Variants in ZNF135 observed in about 807,000 individuals in gnomAD.
The protein encoded by ZNF135 is zinc finger protein 135.
In ZNF135, 11 loss-of-function variants were observed where a neutral mutation model predicts 12.3. The observed-to-expected ratio is 0.89, with a 90% CI of 0.56 to 1.48. ZNF135 has a LOEUF of 1.48. Among genes scored for constraint, ZNF135 ranks in the 40% most tolerant of loss-of-function variants. ZNF135 has a pLI of 0.00. For missense variants in ZNF135, 722 were observed against 815.7 expected, an observed-to-expected ratio of 0.89 and a Z score of 1.40; for synonymous variants, 316 against 312.0, an observed-to-expected ratio of 1.01 and a Z score of -0.14.
In ZNF135 at chr19:58,060,210, G is replaced by A. The variant is rs897641923; in HGVS notation, c.33+175G>A. The A allele has an allele frequency of 1.6e-5, 23 of 1,460,408 alleles. No homozygotes were observed. Among genetic ancestry groups the A allele is most frequent in the African/African-American group, 7.0e-5 (5 of 71,202 alleles). The allele number at this position is 1,460,408 out of a possible 1,614,324, so 90.5% of individuals were successfully genotyped here. On this transcript the variant is annotated intron_variant, in intron 2 of 4. Transcript: ENST00000313434. This position sits in a 1 kb window ranked among gnomAD's most constrained non-coding sequence, Gnocchi z 4.9. Reference sequence around the variant, plus strand: ...CCCTACTCGTGCCCGGCCTCTACTCGCACAACTGGCCTCTACTCGCGCACC... The same window carrying A: ...CCCTACTCGTGCCCGGCCTCTACTCACACAACTGGCCTCTACTCGCGCACC...
At position 58,059,726 on chromosome 19, in the gene ZNF135, G is replaced by A; in HGVS notation, c.-34-243G>A. On this transcript the variant is annotated intron_variant, in intron 1 of 4. Transcript: ENST00000313434. The surrounding 1 kb of genome is among the most constrained non-coding windows in gnomAD (Gnocchi z 6.5). ...TGTCACTGTAGCGTTAAGGCTCAGA[G>A]TCTGCGCAGCAGATATGTGTCCGCA... is the stretch of plus-strand genomic sequence containing the variant. 1 of 574,528 alleles carries A rather than the reference G, an allele frequency of 1.7e-6. No individual in the cohort carries two copies. The highest frequency in any genetic ancestry group is 2.3e-5 in the South Asian group (1 of 43,860). The allele number at this position is 574,528 out of a possible 1,614,324, so 35.6% of individuals were successfully genotyped here.
Position 58,061,601 on chromosome 19 carries a change from G to T in ZNF135, c.55G>T (p.Val19Leu), listed in dbSNP as rs751598990. Reference protein sequence around the residue: ...TDPEQVTFEDVVVGFSQEEWG... With the variant: ...TDPEQVTFEDLVVGFSQEEWG... ...TCAGGAGCAAGTGACGTTTGAGGAC[G>T]TGGTAGTGGGCTTCAGCCAGGAGGA... is the stretch of plus-strand genomic sequence containing the variant. Residue 19 changes from valine to leucine, a missense_variant, in exon 3 of 5, where the codon GTG (valine) becomes TTG (leucine). Transcript: ENST00000313434. 1 of 1,613,314 alleles carries T rather than the reference G, an allele frequency of 6.2e-7. No individual in the cohort carries two copies. The highest frequency in any genetic ancestry group is 1.3e-5 in the African/African-American group (1 of 74,864).
At chr19:58,062,465 C>T (rs1289990069) in intron 3 of ZNF135, among the ~76,000 whole-genome samples, 3 of 152,124 alleles carry the variant, frequency 2.0e-5, no homozygotes, top group South Asian at 2.1e-4. Flanking sequence ...TCACTGCAAG[C>T]TCTGCCTCCC....
At chr19:58,064,422 A>G (rs1472800615) in intron 4 of ZNF135, among the ~76,000 whole-genome samples, 2 of 151,252 alleles carry the variant, frequency 1.3e-5, no homozygotes, top group Non-Finnish European at 2.9e-5. Flanking sequence ...CCCTCCTCCT[A>G]CTCCTCAGCC....
Position 58,067,881 on chromosome 19 carries a change from ATGAG to A in ZNF135, c.1400_1403del (p.Glu467AlafsTer201), listed in dbSNP as rs1568617474. ...CGGACACACACAGGAGAGAAGCCCT[ATGAG>A]TGCAGTCAGTGTGGGAAGGCCTTCC... On this transcript the variant is annotated frameshift_variant, in exon 5 of 5. Transcript: ENST00000313434. LOFTEE classifies it low-confidence loss of function (END_TRUNC). 1.9e-6 allele frequency: 3 copies of A among 1,613,164 alleles called. No individual in the cohort carries two copies. Among genetic ancestry groups the A allele is most frequent in the African/African-American group, 2.7e-5 (2 of 74,644 alleles).
Position 58,060,185 on chromosome 19 carries a change from C to T in ZNF135, c.33+150C>T. The T allele has an allele frequency of 6.6e-7, 1 of 1,506,042 alleles. No homozygotes were observed. The highest frequency in any genetic ancestry group is 8.8e-7 in the Non-Finnish European group (1 of 1,130,658). The allele number at this position is 1,506,042 out of a possible 1,614,324, so 93.3% of individuals were successfully genotyped here. On this transcript the variant is annotated intron_variant, in intron 2 of 4. Coordinates refer to ENST00000313434, the MANE Select transcript of ZNF135 (RefSeq NM_001289401.2). The surrounding 1 kb of genome is among the most constrained non-coding windows in gnomAD (Gnocchi z 4.9). ...CCCGGCCCCTACTTGCGTGCCCGGCCCCTACTCGTGCCCGGCCTCTACTCG... is the reference window on the plus strand; with the variant it reads ...CCCGGCCCCTACTTGCGTGCCCGGCTCCTACTCGTGCCCGGCCTCTACTCG...
In ZNF135 at chr19:58,063,420, C is replaced by T; in HGVS notation, c.161-26C>T. 1.2e-6 allele frequency: 2 copies of T among 1,613,524 alleles called. No individual in the cohort carries two copies. The highest frequency in any genetic ancestry group is 1.7e-6 in the Non-Finnish European group (2 of 1,179,696). On this transcript the variant is annotated intron_variant, in intron 3 of 4. Transcript: ENST00000313434. This position sits in a 1 kb window ranked among gnomAD's most constrained non-coding sequence, Gnocchi z 4.4. Reference sequence around the variant, plus strand: ...GGAAGGGTCCTGGGATACAAATGCTCACTCTATGGGTCTCTCCCTGAGCAG... The same window carrying T: ...GGAAGGGTCCTGGGATACAAATGCTTACTCTATGGGTCTCTCCCTGAGCAG...
chr19:58,061,132 GA>G (rs34300504), intron 2 of ZNF135, among the ~76,000 whole-genome samples: 4 of 148,262 alleles, frequency 2.7e-5, no homozygotes, highest in Admixed American at 2.0e-4. Flanking sequence ...CGTCTCGGGG[GA>G]AAAAAAAAAC....
Position 58,067,286 on chromosome 19 carries a change from A to G in ZNF135, c.802A>G (p.Lys268Glu). ...ACACCAGAGAATCCATACTGGGGAG[A>G]AACCCTATAAATGCACTCAGTGTGG... The part of the protein sequence containing the change: ...TKHQRIHTGE[K>E]PYKCTQCGRT... The change falls in exon 5 of 5, where the codon AAA becomes GAA. Residue 268 changes from lysine (K) to glutamate (E), a missense_variant. By Grantham distance (56) the Lys-to-Glu change is moderately conservative (BLOSUM62 1). Coordinates refer to ENST00000313434, the MANE Select transcript of ZNF135 (RefSeq NM_001289401.2). 6.2e-7 allele frequency: 1 copy of G among 1,614,192 alleles called. No homozygotes were observed. Among genetic ancestry groups the G allele is most frequent in the East Asian group, 2.2e-5 (1 of 44,882 alleles).
Position 58,067,961 on chromosome 19 carries a change from C to G in ZNF135, c.1477C>G (p.Pro493Ala). The change falls in exon 5 of 5, where the codon CCC (proline) becomes GCC (alanine). Residue 493 changes from proline to alanine, a missense_variant. Physicochemically the swap from Pro to Ala is conservative, Grantham distance 27. Coordinates refer to ENST00000313434, the MANE Select transcript of ZNF135 (RefSeq NM_001289401.2). ...QHQRIHTGEK[P>A]YECNDCGKAF... ...CCAGCGAATCCACACAGGGGAGAAG[C>G]CCTATGAATGCAATGACTGCGGCAA... 1 of 1,614,010 alleles carries G rather than the reference C, an allele frequency of 6.2e-7. No individual in the cohort carries two copies. The highest frequency in any genetic ancestry group is 8.5e-7 in the Non-Finnish European group (1 of 1,180,002).
rs2073927103 is a variant in ZNF135 at position 58,059,409 on chromosome 19, G to A, written c.-35+99G>A. 1 of 984,150 alleles carries A rather than the reference G, an allele frequency of 1.0e-6. No individual in the cohort carries two copies. The highest frequency in any genetic ancestry group is 1.4e-6 in the Non-Finnish European group (1 of 719,428). The allele number at this position is 984,150 out of a possible 1,614,324, so 61.0% of individuals were successfully genotyped here. Reference sequence around the variant, plus strand: ...GATCTTCCTGAGGCCCTGGCGGGGCGAGTTTCCAGCAGCGCGCGTCTGTGT... The same window carrying A: ...GATCTTCCTGAGGCCCTGGCGGGGCAAGTTTCCAGCAGCGCGCGTCTGTGT... On this transcript the variant is annotated intron_variant, in intron 1 of 4. Coordinates refer to ENST00000313434, the MANE Select transcript of ZNF135 (RefSeq NM_001289401.2). The surrounding 1 kb of genome is among the most constrained non-coding windows in gnomAD (Gnocchi z 6.5).
chr19:58,060,631 T>C lies in ZNF135; in HGVS notation c.33+596T>C, dbSNP rs2073960908. Among the ~76,000 whole-genome samples the C allele has an allele frequency of 6.6e-6, 1 of 152,214 alleles. No individual in the cohort carries two copies. The highest frequency in any genetic ancestry group is 3.4e-3 in the Middle Eastern group (1 of 294). ...TTTATGATGACATTAACCCCACCCATAAGCCACCAGAAGAAACCAGCCTCC... is the reference window on the plus strand; with the variant it reads ...TTTATGATGACATTAACCCCACCCACAAGCCACCAGAAGAAACCAGCCTCC... On this transcript the variant is annotated intron_variant, in intron 2 of 4. Transcript: ENST00000313434. The surrounding 1 kb of genome is among the most constrained non-coding windows in gnomAD (Gnocchi z 4.9).
rs2074110259 is a variant in ZNF135, at chr19:58,068,155, A to G, written c.1671A>G (p.Arg557=). The G allele has an allele frequency of 6.8e-6, 11 of 1,613,752 alleles. No homozygotes were observed. Among genetic ancestry groups the G allele is most frequent in the Non-Finnish European group, 8.5e-6 (10 of 1,179,982 alleles). ...CCTATGAATGTAACCAGTGTGGCAG[A>G]GCCTTCAGCCAGAGCTCCCTTCTCA... ...EKPYECNQCG[R]AFSQSSLLIE... The change falls in exon 5 of 5, where the codon AGA becomes AGG. Residue 557 remains arginine, a synonymous_variant. Coordinates refer to ENST00000313434, the MANE Select transcript of ZNF135 (RefSeq NM_001289401.2).
Position 58,063,376 on chromosome 19 carries a change from T to G in ZNF135, c.161-70T>G. ...CATCTGGGACCTGGAAGACCAAAGG[T>G]GGAATGGGCTGAGGCTCAGGAAGGG... On this transcript the variant is annotated intron_variant, in intron 3 of 4. Transcript: ENST00000313434. The surrounding 1 kb of genome is among the most constrained non-coding windows in gnomAD (Gnocchi z 4.4). The G allele has an allele frequency of 6.3e-7, 1 of 1,596,144 alleles. No homozygotes were observed. Among genetic ancestry groups the G allele is most frequent in the Non-Finnish European group, 8.5e-7 (1 of 1,170,138 alleles).
chr19:58,059,286 C>T lies in ZNF135; in HGVS notation c.-59C>T. 1 of 1,448,434 alleles carries T rather than the reference C, an allele frequency of 6.9e-7. No individual in the cohort carries two copies. The highest frequency in any genetic ancestry group is 9.2e-7 in the Non-Finnish European group (1 of 1,090,022). 89.7% of individuals were successfully genotyped at this position (1,448,434 alleles called of 1,614,324 possible). On this transcript the variant is annotated 5_prime_UTR_variant, in exon 1 of 5. Transcript: ENST00000313434. This position sits in a 1 kb window ranked among gnomAD's most constrained non-coding sequence, Gnocchi z 6.5. The stretch of plus-strand genomic sequence containing the variant: ...GGCGCAGTGTCGGCTGCCGGTGCCG[C>T]GGCCTTTGTCTCGCAGTCAGGAGGG...
chr19:58,059,285 G>A lies in ZNF135; in HGVS notation c.-60G>A. 6.4e-7 allele frequency: 1 copy of A among 1,568,404 alleles called. No homozygotes were observed. Among genetic ancestry groups the A allele is most frequent in the Middle Eastern group, 1.7e-4 (1 of 5,716 alleles). ...CGGCGCAGTGTCGGCTGCCGGTGCC[G>A]CGGCCTTTGTCTCGCAGTCAGGAGG... On this transcript the variant is annotated 5_prime_UTR_variant, in exon 1 of 5. Transcript: ENST00000313434. The surrounding 1 kb of genome is among the most constrained non-coding windows in gnomAD (Gnocchi z 6.5).
In ZNF135 at chr19:58,059,414, TC is replaced by T; in HGVS notation, c.-35+106del. On this transcript the variant is annotated intron_variant, in intron 1 of 4. Transcript: ENST00000313434. The surrounding 1 kb of genome is among the most constrained non-coding windows in gnomAD (Gnocchi z 6.5). ...TCCTGAGGCCCTGGCGGGGCGAGTT[TC>T]CAGCAGCGCGCGTCTGTGTGGAGTC... The T allele has an allele frequency of 1.0e-6, 1 of 992,944 alleles. No homozygotes were observed. The highest frequency in any genetic ancestry group is 1.4e-6 in the Non-Finnish European group (1 of 729,382). The allele number at this position is 992,944 out of a possible 1,614,324, so 61.5% of individuals were successfully genotyped here.
chr19:58,060,533 C>T lies in ZNF135; in HGVS notation c.33+498C>T. 1 of 810,622 alleles carries T rather than the reference C, an allele frequency of 1.2e-6. No individual in the cohort carries two copies. The highest frequency in any genetic ancestry group is 1.5e-6 in the Non-Finnish European group (1 of 660,288). 50.2% of individuals were successfully genotyped at this position (810,622 alleles called of 1,614,324 possible). A position where few individuals can be genotyped will look rare whatever the true frequency, so the allele number is the denominator to read the frequency against. ...CTGAAGTTGAAGGCCTTAGCATGCTCTGCGCTCCAAGATGGCGCATCGAGT... is the reference window on the plus strand; with the variant it reads ...CTGAAGTTGAAGGCCTTAGCATGCTTTGCGCTCCAAGATGGCGCATCGAGT... On this transcript the variant is annotated intron_variant, in intron 2 of 4. Coordinates refer to ENST00000313434, the MANE Select transcript of ZNF135 (RefSeq NM_001289401.2). The surrounding 1 kb of genome is among the most constrained non-coding windows in gnomAD (Gnocchi z 4.9).
intron 4 of ZNF135, among the ~76,000 whole-genome samples, chr19:58,064,716 CAAAAAAAAAATACA>C (rs1335389191): frequency 7.7e-6 from 1 of 130,680 alleles, no homozygotes; most frequent in Non-Finnish European, 1.6e-5. Context: ...CCCGTCTCTA[CAAAAAAAAAATACA>C]AAAAAAAAAA....
Sources: gnomAD v4.1 joint callset for allele counts (sites outside exome capture counted in the v4.1 genomes callset) on GRCh38, gnomAD v4.1.1 for gene constraint, Gnocchi (gnomAD v3.1) non-coding constraint, MANE v1.5 for transcripts, NCBI Gene and HGNC (gene_info 2026-07-23, HGNC 2026-07-21) for gene names.